Variants in DCUN1D3 observed in about 807,000 individuals in gnomAD.
DCUN1D3 encodes defective in cullin neddylation 1 domain containing 3, also known as DCN1-like protein 3.
Under a neutral mutation model 24.8 loss-of-function variants are expected in DCUN1D3, and 6 were observed. The ratio of observed to expected loss-of-function variants is 0.24; its 90% CI spans 0.13 to 0.48. The LOEUF is 0.48. DCUN1D3 is among the 20% of genes least tolerant of loss of function. The probability of loss-of-function intolerance (pLI) is 0.99; values close to 1 mark genes in which losing one functional copy is unlikely to be tolerated. For synonymous variants in DCUN1D3, 120 were observed against 144.9 expected (o/e 0.83, Z 1.24); for missense variants, 258 against 379.4 (o/e 0.68, Z 2.66).
intron 1 of DCUN1D3, among the ~76,000 whole-genome samples, chr16:20,888,512 G>A (rs551793157): frequency 3.3e-5 from 5 of 152,324 alleles, no homozygotes; most frequent in African/African-American, 1.2e-4. Context: ...CGAATGGAGT[G>A]CAGTGACACG....
Position 20,860,033 on chromosome 16 carries a change from G to T in DCUN1D3, c.768C>A (p.Asp256Glu). ...CCTCATCTTCACTGTAGTTGCTGAG[G>T]TCAGGGCCAATCACCTGAGTGAAGT... ...FLNFTQVIGPDLSNYSEDEAW... is the reference protein window; with the variant it reads ...FLNFTQVIGPELSNYSEDEAW... Residue 256 changes from aspartate (D) to glutamate (E), a missense_variant, in exon 3 of 3, where the codon GAC (aspartate) becomes GAA (glutamate). Physicochemically the swap from Asp to Glu is conservative, Grantham distance 45 (BLOSUM62 2). Coordinates refer to ENST00000324344, the MANE Select transcript of DCUN1D3 (RefSeq NM_173475.4). This position sits in a 1 kb window ranked among gnomAD's most constrained non-coding sequence, Gnocchi z 4.3. The T allele has an allele frequency of 1.2e-6, 2 of 1,614,232 alleles. No individual in the cohort carries two copies. The highest frequency in any genetic ancestry group is 2.2e-5 in the East Asian group (1 of 44,896).
In DCUN1D3 at chr16:20,867,489, C is replaced by G. The variant is rs148328749; in HGVS notation, c.-105-4846G>C. ...CGTGTGACGTTTTTGTCCACCAGCA[C>G]AGTTAAAAGCTCCAGCTCTGAAAAG... On this transcript the variant is annotated intron_variant, in intron 1 of 2. Transcript: ENST00000324344. Among the ~76,000 whole-genome samples, 429 of 152,308 alleles carry G rather than the reference C, an allele frequency of 2.8e-3. 4 individuals carry two copies. Among genetic ancestry groups the G allele is most frequent in the African/African-American group, 9.8e-3 (408 of 41,568 alleles).
In DCUN1D3 at chr16:20,889,026, G is replaced by A. The variant is rs189923287; in HGVS notation, c.-106+11178C>T. Among the ~76,000 whole-genome samples the A allele has an allele frequency of 9.9e-5, 15 of 152,234 alleles. No individual in the cohort carries two copies. The East Asian group carries it at 1.7e-3, about 18-fold the overall frequency. Reference sequence around the variant, plus strand: ...GTAGATCACTTGAGGTCAGGAATTCGAGACCAGTCTGGCCAATATAGTGAA... The same window carrying A: ...GTAGATCACTTGAGGTCAGGAATTCAAGACCAGTCTGGCCAATATAGTGAA... On this transcript the variant is annotated intron_variant, in intron 1 of 2. Coordinates refer to ENST00000324344, the MANE Select transcript of DCUN1D3 (RefSeq NM_173475.4).
intron 1 of DCUN1D3, among the ~76,000 whole-genome samples, chr16:20,871,206 C>T (rs2081786628): frequency 6.6e-6 from 1 of 152,190 alleles, no homozygotes; most frequent in African/African-American, 2.4e-5. Context: ...TCTGCCAAAG[C>T]AAACGAGACC....
chr16:20,864,794 G>A lies in DCUN1D3; in HGVS notation c.-105-2151C>T, dbSNP rs539319013. On this transcript the variant is annotated intron_variant, in intron 1 of 2. Transcript: ENST00000324344. ...AGAAAATGTGGTCCATATACACCAC[G>A]GAACGCTATGCAGCCATAAAAAAGA... 2.3e-4 allele frequency among the ~76,000 whole-genome samples: 34 copies of A among 149,198 alleles called. No homozygotes were observed. The East Asian group carries it at 3.9e-3, about 17-fold the overall frequency.
intron 1 of DCUN1D3, among the ~76,000 whole-genome samples, chr16:20,879,998 CA>C (rs371828652): frequency 6.6e-6 from 1 of 152,160 alleles, no homozygotes; most frequent in Non-Finnish European, 1.5e-5. Context: ...TCTTCCAGGC[CA>C]AAAACATATT....
chr16:20,887,157 C>G (rs1434859547), intron 1 of DCUN1D3, among the ~76,000 whole-genome samples: 2 of 152,116 alleles, frequency 1.3e-5, no homozygotes, highest in East Asian at 3.9e-4. Context: ...CAAAAATTAG[C>G]AGGGCGTGGT....
chr16:20,862,201 C>T lies in DCUN1D3; in HGVS notation c.338G>A (p.Arg113His), dbSNP rs754293777. ...EDAILEEGME[R>H]FCNDLCVDPT... ...GTCAACACACAGGTCATTGCAAAAG[C>T]GCTCCATGCCTTCCTCCAAAATTGC... The change falls in exon 2 of 3, where the codon CGC (arginine) becomes CAC (histidine). Residue 113 changes from arginine to histidine, a missense_variant. Physicochemically the swap from Arg to His is conservative, Grantham distance 29. Transcript: ENST00000324344. 16 of 1,614,236 alleles carry T rather than the reference C, an allele frequency of 9.9e-6. No homozygotes were observed. Among genetic ancestry groups the T allele is most frequent in the East Asian group, 4.5e-5 (2 of 44,894 alleles).
chr16:20,863,655 A>G (rs1457792435), intron 1 of DCUN1D3, among the ~76,000 whole-genome samples: 1 of 152,170 alleles, frequency 6.6e-6, no homozygotes, highest in African/African-American at 2.4e-5. Context: ...CTCAGGTGGG[A>G]GGATCAACTG....
intron 1 of DCUN1D3, among the ~76,000 whole-genome samples, chr16:20,865,904 A>C (rs113843583): frequency 1.3e-5 from 2 of 152,164 alleles, no homozygotes; most frequent in African/African-American, 4.8e-5. Flanking sequence ...TAGTCATATC[A>C]AGGCCTGTCC....
chr16:20,890,847 C>T (rs1461765291), intron 1 of DCUN1D3, among the ~76,000 whole-genome samples: 1 of 151,854 alleles, frequency 6.6e-6, no homozygotes, highest in African/African-American at 2.4e-5. Flanking sequence ...CAATTCAGAG[C>T]ACTGCTTGCA....
chr16:20,872,130 T>C (rs1034594625), intron 1 of DCUN1D3, among the ~76,000 whole-genome samples: 3 of 152,242 alleles, frequency 2.0e-5, no homozygotes, highest in African/African-American at 7.2e-5. Context: ...GTTTACCTGA[T>C]TGTAGCTGAT....
chr16:20,891,811 C>T (rs2081893614), intron 1 of DCUN1D3, among the ~76,000 whole-genome samples: 1 of 152,200 alleles, frequency 6.6e-6, no homozygotes, highest in Non-Finnish European at 1.5e-5. Context: ...TGATCAGAGC[C>T]CTGGCCAGGG....
chr16:20,865,134 A>T (rs893241381), intron 1 of DCUN1D3, among the ~76,000 whole-genome samples: 1 of 151,920 alleles, frequency 6.6e-6, no homozygotes, highest in Non-Finnish European at 1.5e-5. Context: ...GTACCCCCAA[A>T]CCTAAAATAA....
intron 1 of DCUN1D3, among the ~76,000 whole-genome samples, chr16:20,873,495 G>A (rs554121247): frequency 1.3e-5 from 2 of 152,294 alleles, no homozygotes; most frequent in East Asian, 3.9e-4. Flanking sequence ...ATGGTCAATG[G>A]GCTGGATTTA....
intron 1 of DCUN1D3, among the ~76,000 whole-genome samples, chr16:20,881,614 G>T (rs1037598921): frequency 6.6e-6 from 1 of 151,892 alleles, no homozygotes; most frequent in African/African-American, 2.4e-5. Context: ...GCATTTTACA[G>T]TCATGATAGC....
chr16:20,882,385 T>TGA (rs2081848691), intron 1 of DCUN1D3, among the ~76,000 whole-genome samples: 1 of 151,918 alleles, frequency 6.6e-6, no homozygotes, highest in Non-Finnish European at 1.5e-5. Flanking sequence ...CCCGAGTAGC[T>TGA]GGGATTACAG....
At chr16:20,882,706 A>G (rs1377606575) in intron 1 of DCUN1D3, among the ~76,000 whole-genome samples, 2 of 152,244 alleles carry the variant, frequency 1.3e-5, no homozygotes, top group Non-Finnish European at 2.9e-5. Context: ...GGCAACATAT[A>G]AACACATTTC....
rs763685173 is a variant in DCUN1D3 at position 20,862,548 on chromosome 16, G to A, written c.-10C>T. On this transcript the variant is annotated 5_prime_UTR_variant, in exon 2 of 3. Transcript: ENST00000324344. ...TGACACACTGGCCCATGGTGCTGGT[G>A]GCCTGGCCTCTAGAGTGGACCCCTC... 23 of 1,595,414 alleles carry A rather than the reference G, an allele frequency of 1.4e-5. No homozygotes were observed. The highest frequency in any genetic ancestry group is 1.1e-5 in the South Asian group (1 of 90,138).
Sources: allele counts gnomAD v4.1 joint callset (sites outside exome capture counted in the v4.1 genomes callset), GRCh38; gene constraint gnomAD v4.1.1; non-coding constraint Gnocchi (gnomAD v3.1); transcripts MANE v1.5; gene names NCBI Gene and HGNC (gene_info 2026-07-23, HGNC 2026-07-21).